TEAD3: variants seen among roughly 807,000 people sequenced by gnomAD.
TEAD3 encodes the protein TEA domain transcription factor 3, also known as transcriptional enhancer factor TEF-5.
A neutral mutation model predicts 55.6 loss-of-function variants in TEAD3; 15 were observed. The ratio of observed to expected loss-of-function variants is 0.27; its 90% CI spans 0.18 to 0.42. TEAD3 has a LOEUF of 0.42. Ranked by LOEUF, TEAD3 falls within the 10% of genes least tolerant of loss-of-function variation. TEAD3 has a pLI of 1.00. For synonymous variants in TEAD3, 210 were observed against 232.2 expected (o/e 0.90, Z 0.87); for missense variants, 407 against 576.8 (o/e 0.71, Z 3.01).
Position 35,488,768 on chromosome 6 carries a change from G to A in TEAD3, c.-49-2057C>T, listed in dbSNP as rs1768440270. ...AGACGGAGTCTTGCTCTGTCGCCCAGGCTAGAGTGCAATGGCGCGATCTCT... is the reference window on the plus strand; with the variant it reads ...AGACGGAGTCTTGCTCTGTCGCCCAAGCTAGAGTGCAATGGCGCGATCTCT... On this transcript the variant is annotated intron_variant, in intron 1 of 12. Coordinates refer to ENST00000639578, the Ensembl canonical transcript of TEAD3. The surrounding 1 kb of genome is among the most constrained non-coding windows in gnomAD (Gnocchi z 4.2). Among the ~76,000 whole-genome samples the A allele has an allele frequency of 6.6e-6, 1 of 152,018 alleles. No homozygotes were observed. The highest frequency in any genetic ancestry group is 1.5e-5 in the Non-Finnish European group (1 of 67,996).
chr6:35,478,573 TG>T lies in TEAD3; in HGVS notation c.343-3del. On this transcript the variant is annotated splice_region_variant and splice_polypyrimidine_tract_variant and intron_variant, in intron 5 of 12. Transcript: ENST00000639578. The stretch of plus-strand genomic sequence containing the variant: ...GGCTTTGTCCTTGGAGACCTGGTCC[TG>T]GGGAGAGGAGGCTGCATGAAGCCAG... The T allele has an allele frequency of 6.3e-7, 1 of 1,584,140 alleles. No individual in the cohort carries two copies. Among genetic ancestry groups the T allele is most frequent in the Non-Finnish European group, 8.6e-7 (1 of 1,165,364 alleles).
chr6:35,485,337 T>G lies in TEAD3; in HGVS notation c.203-713A>C, dbSNP rs1047878563. ...CTTGTGAGCCTTGGGGTGCGGGGTC[T>G]GTTCTGCACCACAGACCCTCTGAGG... On this transcript the variant is annotated intron_variant, in intron 2 of 12. Coordinates refer to ENST00000639578, the Ensembl canonical transcript of TEAD3. The surrounding 1 kb of genome is among the most constrained non-coding windows in gnomAD (Gnocchi z 4.3). Among the ~76,000 whole-genome samples, 1 of 151,800 alleles carries G rather than the reference T, an allele frequency of 6.6e-6. No homozygotes were observed. The highest frequency in any genetic ancestry group is 6.5e-5 in the Admixed American group (1 of 15,272).
At chr6:35,477,349 G>A (rs1373858861) in exon 8 of TEAD3, 1 of 1,603,726 alleles carries the variant, frequency 6.2e-7, no homozygotes, top group Non-Finnish European at 8.5e-7. Context: ...GATGGGGTAG[G>A]CTGGCTGTGC....
At chr6:35,474,519 G>A (rs1341801005), downstream of TEAD3, 4 of 154,492 alleles carry the variant, frequency 2.6e-5, no homozygotes, top group East Asian at 3.9e-4. Flanking sequence ...CTCGCTGTGC[G>A]GAGTCTGAGG....
chr6:35,481,249 C>A (rs956367896), intron 3 of TEAD3, among the ~76,000 whole-genome samples: 4 of 152,124 alleles, frequency 2.6e-5, no homozygotes, highest in African/African-American at 9.7e-5. Flanking sequence ...CCAGCTGACA[C>A]CACAGACCCT....
chr6:35,486,747 C>T lies in TEAD3; in HGVS notation c.-49-36G>A, dbSNP rs1179857312. 7 of 1,444,164 alleles carry T rather than the reference C, an allele frequency of 4.8e-6. No homozygotes were observed. Among genetic ancestry groups the T allele is most frequent in the Non-Finnish European group, 6.6e-6 (7 of 1,054,470 alleles). 89.5% of individuals were successfully genotyped at this position (1,444,164 alleles called of 1,614,324 possible). A position where few individuals can be genotyped will look rare whatever the true frequency, so the allele number is the denominator to read the frequency against. ...GACAGACAGGAACTGGGACCAGGGT[C>T]CTCCTCGACCACAGCAATCTCCTAT... On this transcript the variant is annotated intron_variant, in intron 1 of 12. Coordinates refer to ENST00000639578, the Ensembl canonical transcript of TEAD3. The surrounding 1 kb of genome is among the most constrained non-coding windows in gnomAD (Gnocchi z 7.3).
At chr6:35,477,399 G>GAGGGA in intron 7 of TEAD3, 27 bp from the exon 8 acceptor site, 1 of 1,592,912 alleles carries the variant, frequency 6.3e-7, no homozygotes. Context: ...AGCCTGGTGA[G>GAGGGA]AGGGTTCCCT....
chr6:35,486,355 CG>C lies in TEAD3; in HGVS notation c.202+105del. The C allele has an allele frequency of 7.4e-7, 1 of 1,352,526 alleles. No homozygotes were observed. The highest frequency in any genetic ancestry group is 1.0e-6 in the Non-Finnish European group (1 of 998,334). The allele number at this position is 1,352,526 out of a possible 1,614,324, so 83.8% of individuals were successfully genotyped here. ...ACACACAGGCTTGCGCGCCCAGACT[CG>C]CCCGGCCAGCGGCTGGCGGCCTCCG... On this transcript the variant is annotated intron_variant, in intron 2 of 12. Transcript: ENST00000639578. This position sits in a 1 kb window ranked among gnomAD's most constrained non-coding sequence, Gnocchi z 7.3.
At chr6:35,490,558 A>G (rs1768492916) in intron 1 of TEAD3, among the ~76,000 whole-genome samples, 1 of 152,162 alleles carries the variant, frequency 6.6e-6, no homozygotes, top group Non-Finnish European at 1.5e-5. Flanking sequence ...GAGGACAACC[A>G]CGTGAGAATG....
chr6:35,487,433 TC>T (rs371006085), intron 1 of TEAD3, among the ~76,000 whole-genome samples: 1 of 150,038 alleles, frequency 6.7e-6, no homozygotes, highest in African/African-American at 2.5e-5. Flanking sequence ...GCACTTGTAA[TC>T]CCAGCTACTC....
At chr6:35,474,693 C>T (rs775300451), downstream of TEAD3, 4 of 248,886 alleles carry the variant, frequency 1.6e-5, no homozygotes, top group Non-Finnish European at 3.1e-5. Flanking sequence ...CCATCATGCT[C>T]CCCCAAGGGT....
intron 3 of TEAD3, among the ~76,000 whole-genome samples, chr6:35,482,656 A>C (rs538851870): frequency 2.0e-4 from 30 of 152,310 alleles, no homozygotes; most frequent in African/African-American, 6.7e-4. Flanking sequence ...TCGTGCCCGT[A>C]ATCCTAGCAC....
rs554533306 is a variant in TEAD3, at chr6:35,476,516, G to T, written c.593-81C>A. ...AAAGCTGCCCCCAGCTTGCAAAGGT[G>T]CCCCTTTTGGGAAGGAACATGAGTT... On this transcript the variant is annotated intron_variant, in intron 8 of 12. Transcript: ENST00000639578. The T allele has an allele frequency of 8.9e-6, 14 of 1,567,438 alleles. No individual in the cohort carries two copies. The South Asian group carries it at 1.4e-4, about 16-fold the overall frequency.
intron 1 of TEAD3, among the ~76,000 whole-genome samples, chr6:35,495,725 C>T (rs1175125486): frequency 6.6e-6 from 1 of 152,082 alleles, no homozygotes; most frequent in African/African-American, 2.4e-5. Flanking sequence ...CCCAGGTGGC[C>T]CCAGCACTGG....
intron 1 of TEAD3, among the ~76,000 whole-genome samples, chr6:35,492,537 C>A (rs1206576950): frequency 6.6e-6 from 1 of 152,150 alleles, no homozygotes; most frequent in Non-Finnish European, 1.5e-5. Context: ...AACAGGGTCT[C>A]AATTTTTACA....
chr6:35,490,743 G>C (rs1228673160), intron 1 of TEAD3, among the ~76,000 whole-genome samples: 5 of 152,222 alleles, frequency 3.3e-5, no homozygotes, highest in Admixed American at 6.5e-5. Context: ...TCCTCTAACT[G>C]CTGGGACCCA....
At position 35,491,194 on chromosome 6, in the gene TEAD3, G is replaced by A. The variant is rs777255728; in HGVS notation, c.-49-4483C>T. Reference sequence around the variant, plus strand: ...CCGCAGAGTGAAGGGAGAGACCCCAGGAGAGATGTGGAGGCAGGGCGGGGG... The same window carrying A: ...CCGCAGAGTGAAGGGAGAGACCCCAAGAGAGATGTGGAGGCAGGGCGGGGG... On this transcript the variant is annotated intron_variant, in intron 1 of 12. Transcript: ENST00000639578. The surrounding 1 kb of genome is among the most constrained non-coding windows in gnomAD (Gnocchi z 4.4). Among the ~76,000 whole-genome samples the A allele has an allele frequency of 6.6e-6, 1 of 151,930 alleles. No individual in the cohort carries two copies.
intron 7 of TEAD3, 89 bp from the exon 8 acceptor site, chr6:35,477,461 G>T: frequency 7.8e-7 from 1 of 1,282,504 alleles, no homozygotes; most frequent in Non-Finnish European, 1.1e-6. Context: ...CCAGGAGCAA[G>T]CCACCCAGCC....
intron 6 of TEAD3, 38 bp from the exon 7 acceptor site, chr6:35,478,362 T>C (rs901180248): frequency 6.2e-7 from 1 of 1,613,594 alleles, no homozygotes; most frequent in Non-Finnish European, 8.5e-7. Flanking sequence ...CCCCTCAGCA[T>C]CCATGAACCC....
Sources: allele counts gnomAD v4.1 joint callset (sites outside exome capture counted in the v4.1 genomes callset), GRCh38; gene constraint gnomAD v4.1.1; non-coding constraint Gnocchi (gnomAD v3.1); transcripts MANE v1.5; gene names NCBI Gene and HGNC (gene_info 2026-07-23, HGNC 2026-07-21).